RIN3: variants seen among roughly 807,000 people sequenced by gnomAD.
The protein encoded by RIN3 is RAB5 interacting protein 3.
In RIN3, 54 loss-of-function variants were observed where a neutral mutation model predicts 76.3. The ratio of observed to expected loss-of-function variants is 0.71; its 90% CI spans 0.57 to 0.89. The LOEUF (loss-of-function observed/expected upper bound fraction) is 0.89. RIN3 is among the 40% of genes least tolerant of loss of function. The pLI is 0.00. For synonymous variants in RIN3, 576 were observed against 564.0 expected (o/e 1.02, Z -0.30); for missense variants, 1,256 against 1,322.1 (o/e 0.95, Z 0.78).
At chr14:92,573,133 C>T (rs1455231424) in intron 2 of RIN3, among the ~76,000 whole-genome samples, 1 of 152,094 alleles carries the variant, frequency 6.6e-6, no homozygotes, top group Admixed American at 6.6e-5. Context: ...CCCCCTGCCT[C>T]AGCCTCCCAA....
chr14:92,580,470 T>C (rs1247313847), intron 3 of RIN3, among the ~76,000 whole-genome samples: 1 of 152,206 alleles, frequency 6.6e-6, no homozygotes. Context: ...CAGAGCTCAC[T>C]TCAGATGGAG....
At chr14:92,679,897 A>C (rs1455006813) in intron 8 of RIN3, among the ~76,000 whole-genome samples, 2 of 152,106 alleles carry the variant, frequency 1.3e-5, no homozygotes, top group Non-Finnish European at 2.9e-5. Context: ...AAGTCACCTA[A>C]CCTCTCTGGC....
intron 3 of RIN3, among the ~76,000 whole-genome samples, chr14:92,603,566 G>T (rs894235738): frequency 6.6e-6 from 1 of 152,222 alleles, no homozygotes; most frequent in African/African-American, 2.4e-5. Flanking sequence ...GGACCCAGGG[G>T]CCTGTGCCCG....
intron 1 of RIN3, among the ~76,000 whole-genome samples, chr14:92,554,441 C>G (rs72697249): frequency 1.4e-4 from 22 of 152,252 alleles, no homozygotes; most frequent in Non-Finnish European, 2.9e-4. Context: ...TTGACTCATC[C>G]TCATTCTGGG....
chr14:92,584,565 T>C (rs1884696727), intron 3 of RIN3, among the ~76,000 whole-genome samples: 1 of 152,156 alleles, frequency 6.6e-6, no homozygotes, highest in Non-Finnish European at 1.5e-5. Context: ...AAGAGATGTC[T>C]TGGTCACCAC....
chr14:92,588,247 G>C (rs60020877), intron 3 of RIN3, among the ~76,000 whole-genome samples: 7,779 of 88,570 alleles, frequency 0.088, 402 homozygotes, highest in African/African-American at 0.16. Flanking sequence ...TTTTTTTTGA[G>C]ATGGAGTTTC....
intron 5 of RIN3, 126 bp from the exon 6 acceptor site, chr14:92,651,452 CCTCG>C: frequency 6.0e-6 from 3 of 499,650 alleles, no homozygotes; most frequent in Non-Finnish European, 6.9e-6. Context: ...ACAACCTCAA[CCTCG>C]GAGTAGTGAA....
At position 92,537,634 on chromosome 14, in the gene RIN3, C is replaced by CTTTTTTTTTTTTTTTTTTTTT. The variant is rs576683908; in HGVS notation, c.45-18110_45-18090dup. Among the ~76,000 whole-genome samples, 15 of 51,636 alleles carry CTTTTTTTTTTTTTTTTTTTTT rather than the reference C, an allele frequency of 2.9e-4. 1 individual carries two copies. The highest frequency in any genetic ancestry group is 6.2e-4 in the Admixed American group (2 of 3,224). 33.9% of individuals were successfully genotyped at this position (51,636 alleles called of 152,430 possible). A position where few individuals can be genotyped will look rare whatever the true frequency, so the allele number is the denominator to read the frequency against. ...CAGCTATAAGTGAGTGCCTTAGGGA[C>CTTTTTTTTTTTTTTTTTTTTT]TTTTTTTTTTTTTTTTTTTTTTTTT... On this transcript the variant is annotated intron_variant, in intron 1 of 9. Coordinates refer to ENST00000216487, the MANE Select transcript of RIN3 (RefSeq NM_024832.5).
intron 7 of RIN3, among the ~76,000 whole-genome samples, chr14:92,673,509 C>CTT (rs34245765): frequency 9.5e-4 from 140 of 146,860 alleles, no homozygotes; most frequent in South Asian, 1.1e-3. Flanking sequence ...AAAATATCCA[C>CTT]TTTTTTTTTT....
In RIN3 at chr14:92,615,404, C is replaced by T. The variant is rs1300249906; in HGVS notation, c.368-3C>T. 2 of 1,613,794 alleles carry T rather than the reference C, an allele frequency of 1.2e-6. No homozygotes were observed. Among genetic ancestry groups the T allele is most frequent in the East Asian group, 2.2e-5 (1 of 44,882 alleles). On this transcript the variant is annotated splice_region_variant and splice_polypyrimidine_tract_variant and intron_variant, in intron 3 of 9. Coordinates refer to ENST00000216487, the MANE Select transcript of RIN3 (RefSeq NM_024832.5). The stretch of plus-strand genomic sequence containing the variant: ...ACCCAGGGCCCTTCTTGTGTCTCCC[C>T]AGTATTGTACCTGGAAGGCTCGGCT...
intron 4 of RIN3, among the ~76,000 whole-genome samples, chr14:92,626,369 G>A (rs1336557741): frequency 6.6e-6 from 1 of 152,090 alleles, no homozygotes; most frequent in Non-Finnish European, 1.5e-5. Context: ...TATATAACTG[G>A]GGGCCTAGGA....
At chr14:92,577,208 C>A in intron 2 of RIN3, 152 bp from the exon 3 acceptor site, 1 of 587,990 alleles carries the variant, frequency 1.7e-6, no homozygotes, top group Non-Finnish European at 3.1e-6. Flanking sequence ...GCTCTTGGGG[C>A]AGAACCCCCA....
chr14:92,663,401 C>T (rs1247792395), intron 7 of RIN3, among the ~76,000 whole-genome samples: 1 of 152,216 alleles, frequency 6.6e-6, no homozygotes, highest in African/African-American at 2.4e-5. Flanking sequence ...TTGAATGGAA[C>T]AGAACCAGGT....
intron 4 of RIN3, among the ~76,000 whole-genome samples, chr14:92,624,942 C>T (rs759856436): frequency 5.3e-5 from 8 of 151,906 alleles, no homozygotes; most frequent in Non-Finnish European, 7.4e-5. Context: ...ATGGTCCCTC[C>T]CAGGACGGTT....
intron 7 of RIN3, among the ~76,000 whole-genome samples, chr14:92,669,608 A>G (rs556300684): frequency 3.4e-4 from 52 of 152,160 alleles, no homozygotes; most frequent in African/African-American, 1.1e-3. Flanking sequence ...GCTTTCAGTA[A>G]GAGCCCAGTC....
chr14:92,618,006 A>G (rs1199381690), intron 4 of RIN3, among the ~76,000 whole-genome samples: 1 of 152,194 alleles, frequency 6.6e-6, no homozygotes, highest in African/African-American at 2.4e-5. Context: ...CCTGGCAATG[A>G]TATCTTTAAC....
At chr14:92,663,091 G>A (rs925667070) in intron 7 of RIN3, among the ~76,000 whole-genome samples, 6 of 152,002 alleles carry the variant, frequency 3.9e-5, no homozygotes, top group African/African-American at 1.2e-4. Flanking sequence ...GATTACAGGT[G>A]TGAGCCACCA....
chr14:92,676,648 C>T (rs1222416524), intron 8 of RIN3, 42 bp downstream of exon 8: 2 of 1,598,348 alleles, frequency 1.3e-6, no homozygotes, highest in Non-Finnish European at 1.7e-6. Flanking sequence ...TTGCACACCC[C>T]CAACTCAGCC....
intron 1 of RIN3, among the ~76,000 whole-genome samples, chr14:92,518,153 A>G (rs1425345437): frequency 6.6e-6 from 1 of 152,194 alleles, no homozygotes; most frequent in African/African-American, 2.4e-5. Context: ...TTGAATATTC[A>G]TAGCCTTTTT....
Sources: allele counts gnomAD v4.1 joint callset (sites outside exome capture counted in the v4.1 genomes callset), GRCh38; gene constraint gnomAD v4.1.1; transcripts MANE v1.5; gene names NCBI Gene and HGNC (gene_info 2026-07-23, HGNC 2026-07-21).